ATP9A: variants seen among roughly 807,000 people sequenced by gnomAD.
ATP9A encodes ATPase phospholipid transporting 9A.
A neutral mutation model predicts 144.1 loss-of-function variants in ATP9A; 52 were observed. That is an observed-to-expected ratio of 0.36 (90% CI 0.29 to 0.45). The LOEUF (loss-of-function observed/expected upper bound fraction) is 0.45, where lower values mean the gene tolerates loss of function less well. Ranked by LOEUF, ATP9A falls within the 20% of genes least tolerant of loss-of-function variation. ATP9A has a pLI of 1.00. For missense variants in ATP9A, 947 were observed against 1,392.7 expected (o/e 0.68, Z 5.09); for synonymous variants, 582 against 557.4 (o/e 1.04, Z -0.62).
intron 1 of ATP9A, among the ~76,000 whole-genome samples, chr20:51,767,381 G>A (rs950436813): frequency 3.3e-5 from 5 of 152,074 alleles, no homozygotes; most frequent in African/African-American, 9.7e-5. Context: ...ATCTGCATTT[G>A]CACCAGCGCC....
intron 9 of ATP9A, among the ~76,000 whole-genome samples, chr20:51,677,758 G>A (rs894793728): frequency 2.6e-5 from 4 of 152,034 alleles, no homozygotes; most frequent in Non-Finnish European, 4.4e-5. Context: ...GACACAGTAA[G>A]AAAAGGCATG....
chr20:51,690,066 C>T lies in ATP9A; in HGVS notation c.723+673G>A, dbSNP rs534708200. On this transcript the variant is annotated intron_variant, in intron 8 of 27. Coordinates refer to ENST00000338821, the MANE Select transcript of ATP9A (RefSeq NM_006045.3). ...GGCAGAGGTTCCAATGAGCCGAGAT[C>T]GCGCCACTGCACTCCAGCCTAGGCG... Among the ~76,000 whole-genome samples the T allele has an allele frequency of 4.3e-5, 6 of 138,156 alleles. No homozygotes were observed. In the East Asian group the frequency reaches 1.1e-3, roughly 25 times the overall value. 90.6% of individuals were successfully genotyped at this position (138,156 alleles called of 152,430 possible). A position where few individuals can be genotyped will look rare whatever the true frequency, so the allele number is the denominator to read the frequency against.
intron 14 of ATP9A, among the ~76,000 whole-genome samples, chr20:51,644,695 T>TA (rs2077334910): frequency 2.0e-5 from 3 of 152,238 alleles, no homozygotes; most frequent in African/African-American, 7.2e-5. Context: ...ATGTACAAGC[T>TA]AAAAAACCCT....
At chr20:51,767,430 TA>T (rs1274037130) in intron 1 of ATP9A, among the ~76,000 whole-genome samples, 2 of 122,710 alleles carry the variant, frequency 1.6e-5, no homozygotes, top group East Asian at 5.6e-4. Flanking sequence ...CACGCCCAGG[TA>T]AGTCTATGGC....
intron 13 of ATP9A, among the ~76,000 whole-genome samples, chr20:51,658,516 C>CTTTTTT (rs35371153): frequency 2.8e-5 from 3 of 106,890 alleles, no homozygotes; most frequent in South Asian, 3.3e-4. Flanking sequence ...CCTATGCTTC[C>CTTTTTT]TTTTTTTTTT....
intron 15 of ATP9A, among the ~76,000 whole-genome samples, chr20:51,635,854 A>C (rs975724549): frequency 1.1e-5 from 1 of 93,722 alleles, no homozygotes; most frequent in Non-Finnish European, 2.2e-5. Flanking sequence ...AAAAGGAAGG[A>C]AGGAGGAAGG....
rs776408069 is a variant in ATP9A, at chr20:51,622,057, C to A, written c.2115+17G>T. The A allele has an allele frequency of 6.2e-7, 1 of 1,611,542 alleles. No individual in the cohort carries two copies. The highest frequency in any genetic ancestry group is 1.3e-5 in the African/African-American group (1 of 74,980). ...GAACATCATCCCCACATGGCCCTAA[C>A]GCAGAGGACACTTTACCAGCCGAAA... On this transcript the variant is annotated intron_variant, in intron 19 of 27. Transcript: ENST00000338821.
chr20:51,657,385 C>T (rs556363444), intron 13 of ATP9A, among the ~76,000 whole-genome samples: 92 of 151,728 alleles, frequency 6.1e-4, no homozygotes, highest in Non-Finnish European at 8.7e-4. Flanking sequence ...ATTTAATGAA[C>T]GAGAACGATT....
In ATP9A at chr20:51,696,150, T is replaced by G; in HGVS notation, c.496-6A>C. On this transcript the variant is annotated splice_polypyrimidine_tract_variant and splice_region_variant and intron_variant, in intron 5 of 27. Transcript: ENST00000338821. ...TCGGCAGGGACCCGCTGGTTCTGTG[T>G]TATGAAAAGAAAGACTGTTACTGTG... 1 of 1,613,684 alleles carries G rather than the reference T, an allele frequency of 6.2e-7. No individual in the cohort carries two copies. Among genetic ancestry groups the G allele is most frequent in the Non-Finnish European group, 8.5e-7 (1 of 1,179,622 alleles).
rs1336594825 is a variant in ATP9A at position 51,611,904 on chromosome 20, A to C, written c.2572-1739T>G. Among the ~76,000 whole-genome samples the C allele has an allele frequency of 6.6e-6, 1 of 152,186 alleles. No individual in the cohort carries two copies. The highest frequency in any genetic ancestry group is 1.5e-5 in the Non-Finnish European group (1 of 68,024). On this transcript the variant is annotated intron_variant, in intron 23 of 27. Transcript: ENST00000338821. The surrounding 1 kb of genome is among the most constrained non-coding windows in gnomAD (Gnocchi z 4.2). ...ATATTTAAAACATAAAATCACCCCC[A>C]AAAAACTGGGGTGTAGCCAGTGGAC...
At chr20:51,614,361 T>C (rs1156996614) in intron 22 of ATP9A, among the ~76,000 whole-genome samples, 6 of 152,150 alleles carry the variant, frequency 3.9e-5, no homozygotes, top group Non-Finnish European at 5.9e-5. Flanking sequence ...AGTACAGTGG[T>C]GTGATCTTGG....
rs541218780 is a variant in ATP9A at position 51,630,254 on chromosome 20, A to G, written c.1669-1182T>C. On this transcript the variant is annotated intron_variant, in intron 15 of 27. Transcript: ENST00000338821. ...CAGATCCTTCCCCCATTTTCCCCCA[A>G]TGATTCGCGTCACTGGGAGGTGGGA... Among the ~76,000 whole-genome samples the G allele has an allele frequency of 4.6e-5, 7 of 152,312 alleles. No homozygotes were observed. In the East Asian group the frequency reaches 5.8e-4, roughly 13 times the overall value.
intron 14 of ATP9A, among the ~76,000 whole-genome samples, chr20:51,645,442 C>A (rs1200565450): frequency 6.6e-6 from 1 of 152,136 alleles, no homozygotes; most frequent in Admixed American, 6.5e-5. Flanking sequence ...ATGGCGTGAA[C>A]CCGGGAGGTG....
At chr20:51,731,441 G>C (rs1270275917) in intron 1 of ATP9A, among the ~76,000 whole-genome samples, 3 of 152,054 alleles carry the variant, frequency 2.0e-5, no homozygotes, top group Non-Finnish European at 4.4e-5. Context: ...GCTTGGGCCA[G>C]GCGAGGTGGC....
At chr20:51,753,775 T>C (rs2077843774) in intron 1 of ATP9A, among the ~76,000 whole-genome samples, 1 of 150,594 alleles carries the variant, frequency 6.6e-6, no homozygotes, top group African/African-American at 2.4e-5. Flanking sequence ...CAAGCAATTC[T>C]CCTGACTCAG....
At chr20:51,658,888 C>CGGTGGGGCGG (rs746874247) in intron 13 of ATP9A, among the ~76,000 whole-genome samples, 13 of 54,844 alleles carry the variant, frequency 2.4e-4, no homozygotes, top group Non-Finnish European at 3.3e-4. Flanking sequence ...AGACCACTGG[C>CGGTGGGGCGG]GGGGGGGGGG....
intron 15 of ATP9A, among the ~76,000 whole-genome samples, chr20:51,639,001 T>A (rs2077307213): frequency 6.6e-6 from 1 of 151,840 alleles, no homozygotes; most frequent in South Asian, 2.1e-4. Context: ...CCACTGAAGT[T>A]TTCACTTTAA....
At chr20:51,620,592 A>G (rs2077222544) in intron 19 of ATP9A, among the ~76,000 whole-genome samples, 1 of 151,982 alleles carries the variant, frequency 6.6e-6, no homozygotes, top group Non-Finnish European at 1.5e-5. Flanking sequence ...TTCGCTCCAT[A>G]AGTCACATCA....
intron 1 of ATP9A, among the ~76,000 whole-genome samples, chr20:51,755,093 G>T (rs1235968758): frequency 2.0e-5 from 3 of 152,096 alleles, no homozygotes; most frequent in African/African-American, 4.8e-5. Flanking sequence ...ACTCCAGCCT[G>T]GGCAAAAGAG....
Sources: allele counts gnomAD v4.1 joint callset (sites outside exome capture counted in the v4.1 genomes callset), GRCh38; gene constraint gnomAD v4.1.1; non-coding constraint Gnocchi (gnomAD v3.1); transcripts MANE v1.5; gene names NCBI Gene and HGNC (gene_info 2026-07-23, HGNC 2026-07-21).